Variants in MAP4 observed in about 807,000 individuals in gnomAD.
MAP4 encodes microtubule associated protein 4.
A neutral mutation model predicts 170.2 loss-of-function variants in MAP4; 76 were observed. That is an observed-to-expected ratio of 0.45 (90% CI 0.37 to 0.54). The LOEUF is 0.54. Ranked by LOEUF, MAP4 falls within the 20% of genes least tolerant of loss-of-function variation. MAP4 has a pLI of 0.00. For synonymous variants in MAP4, 909 were observed against 994.5 expected, an observed-to-expected ratio of 0.91 and a Z score of 1.62; for missense variants, 2,506 against 2,748.0, an observed-to-expected ratio of 0.91 and a Z score of 1.97.
At chr3:47,991,563 G>A (rs921784234) in intron 2 of MAP4, among the ~76,000 whole-genome samples, 1 of 152,204 alleles carries the variant, frequency 6.6e-6, no homozygotes, top group African/African-American at 2.4e-5. Flanking sequence ...TCAGGAGCCT[G>A]AGGCAGGAGG....
intron 2 of MAP4, among the ~76,000 whole-genome samples, chr3:47,997,326 TAA>T: frequency 2.9e-4 from 13 of 44,980 alleles, no homozygotes; most frequent in Non-Finnish European, 4.3e-4. Context: ...TTTAAACTGC[TAA>T]AAAAAAAAAA....
intron 17 of MAP4, among the ~76,000 whole-genome samples, chr3:47,863,465 T>C (rs1048184123): frequency 1.3e-5 from 2 of 151,756 alleles, no homozygotes; most frequent in Non-Finnish European, 2.9e-5. Context: ...GGCGCCTCCT[T>C]CATGGGCTGG....
chr3:47,944,164 G>C (rs1971869), intron 3 of MAP4, among the ~76,000 whole-genome samples: 2 of 151,950 alleles, frequency 1.3e-5, no homozygotes, highest in Non-Finnish European at 2.9e-5. Context: ...ACAAAAATTA[G>C]CTGGGTGTGG....
At chr3:48,067,975 T>A (rs1370994966) in intron 1 of MAP4, among the ~76,000 whole-genome samples, 1 of 151,904 alleles carries the variant, frequency 6.6e-6, no homozygotes, top group Admixed American at 6.6e-5. Context: ...TTTTAAATAA[T>A]ATTTAAGGAC....
intron 3 of MAP4, among the ~76,000 whole-genome samples, chr3:47,939,601 A>C (rs2100055023): frequency 6.6e-6 from 1 of 152,148 alleles, no homozygotes; most frequent in African/African-American, 2.4e-5. Context: ...AAAAAGCATA[A>C]GGAATTCCAA....
At chr3:48,014,562 G>A (rs1224568341) in intron 1 of MAP4, among the ~76,000 whole-genome samples, 1 of 152,130 alleles carries the variant, frequency 6.6e-6, no homozygotes, top group Admixed American at 6.5e-5. Context: ...AGGAGGCTGA[G>A]GTGGGAGGAC....
At chr3:47,966,530 A>G (rs2100075153) in intron 3 of MAP4, among the ~76,000 whole-genome samples, 2 of 151,766 alleles carry the variant, frequency 1.3e-5, no homozygotes, top group Non-Finnish European at 2.9e-5. Flanking sequence ...TACAGGTGTG[A>G]GCCACCGCAC....
chr3:47,894,900 A>G lies in MAP4; in HGVS notation c.5434+8050T>C, dbSNP rs535859952. ...AATTTAGGTGGGCATGGTGATCACA[A>G]TTGTGGTCCCAGCTACTCAGAAGGC... On this transcript the variant is annotated intron_variant, in intron 10 of 20. Transcript: ENST00000683076. 2.0e-5 allele frequency among the ~76,000 whole-genome samples: 3 copies of G among 151,190 alleles called. No individual in the cohort carries two copies. The East Asian group carries it at 5.9e-4, about 30-fold the overall frequency.
At chr3:47,975,372 A>C in intron 3 of MAP4, 6 of 1,551,462 alleles carry the variant, frequency 3.9e-6, no homozygotes, top group South Asian at 1.2e-5. Context: ...AAAGCTCTGC[A>C]AAATGCTGAA....
intron 9 of MAP4, among the ~76,000 whole-genome samples, chr3:47,907,751 C>G (rs180882321): frequency 1.3e-5 from 2 of 152,138 alleles, no homozygotes; most frequent in South Asian, 2.1e-4. Context: ...GAAACCAAAA[C>G]GAAAGAACTG....
At chr3:47,933,298 C>T (rs929779199) in intron 3 of MAP4, among the ~76,000 whole-genome samples, 9 of 152,016 alleles carry the variant, frequency 5.9e-5, no homozygotes, top group African/African-American at 1.7e-4. Context: ...AATGTTCTAA[C>T]GATGGATTAC....
Position 48,050,697 on chromosome 3 carries a change from AGAGATC to A in MAP4, c.-20+38070_-20+38075del, listed in dbSNP as rs555147856. On this transcript the variant is annotated intron_variant, in intron 1 of 18. Transcript: ENST00000360240. The stretch of plus-strand genomic sequence containing the variant: ...GCTGAGGCAGGCGGATCACAGGTCA[AGAGATC>A]GAGACCATCCTGGCCAACATGGTGA... Among the ~76,000 whole-genome samples the A allele has an allele frequency of 2.4e-3, 368 of 151,910 alleles. 2 individuals are homozygous for A. Among genetic ancestry groups the A allele is most frequent in the African/African-American group, 8.0e-3 (333 of 41,466 alleles).
intron 3 of MAP4, among the ~76,000 whole-genome samples, chr3:47,950,342 G>A (rs1021121291): frequency 1.3e-5 from 2 of 152,146 alleles, no homozygotes; most frequent in African/African-American, 4.8e-5. Context: ...CTCAGAGGAC[G>A]GACTTAAAAA....
At chr3:47,917,380 G>A (rs1435487075) in intron 6 of MAP4, among the ~76,000 whole-genome samples, 1 of 152,164 alleles carries the variant, frequency 6.6e-6, no homozygotes, top group Non-Finnish European at 1.5e-5. Flanking sequence ...CTGAGGTCAG[G>A]AGTTCGAGAC....
At chr3:48,070,720 G>A (rs1163546696) in intron 1 of MAP4, among the ~76,000 whole-genome samples, 2 of 151,784 alleles carry the variant, frequency 1.3e-5, no homozygotes, top group Admixed American at 6.6e-5. Context: ...GGAACTGTGG[G>A]CCAGGTGTGG....
rs569007771 is a variant in MAP4 at position 48,058,656 on chromosome 3, G to GA, written c.-20+30116dup. On this transcript the variant is annotated intron_variant, in intron 1 of 18. Coordinates refer to the MAP4 transcript ENST00000360240. ...TGACCCAAGTAATTCATTAATTAAA[G>GA]AAAAAAATGTATACAGGAATCTTTA... Among the ~76,000 whole-genome samples, 9 of 151,852 alleles carry GA rather than the reference G, an allele frequency of 5.9e-5. No homozygotes were observed. In the East Asian group the frequency reaches 1.7e-3, roughly 29 times the overall value.
At chr3:47,915,502 T>C (rs2100038264) in intron 7 of MAP4, among the ~76,000 whole-genome samples, 1 of 151,940 alleles carries the variant, frequency 6.6e-6, no homozygotes, top group Non-Finnish European at 1.5e-5. Flanking sequence ...TAAATTGGTA[T>C]GAGGGGCAAA....
Position 48,026,322 on chromosome 3 carries a change from G to A in MAP4, c.-19-27443C>T, listed in dbSNP as rs181215039. ...TCCCACAAGAGACTACATCATAAAC[G>A]CTCATATTTATTACATCCCACTCAA... On this transcript the variant is annotated intron_variant, in intron 1 of 18. Coordinates refer to the MAP4 transcript ENST00000360240. Among the ~76,000 whole-genome samples the A allele has an allele frequency of 3.9e-5, 6 of 152,194 alleles. No homozygotes were observed. The East Asian group carries it at 1.2e-3, about 29-fold the overall frequency.
chr3:48,082,797 CAAAAA>C (rs1294638726), intron 1 of MAP4, among the ~76,000 whole-genome samples: 3 of 49,010 alleles, frequency 6.1e-5, no homozygotes, highest in Non-Finnish European at 1.3e-4. Context: ...GACTTTGTCT[CAAAAA>C]AAAAAAAAAA....
Sources: gnomAD v4.1 joint callset for allele counts (sites outside exome capture counted in the v4.1 genomes callset) on GRCh38, gnomAD v4.1.1 for gene constraint, MANE v1.5 for transcripts, NCBI Gene and HGNC (gene_info 2026-07-23, HGNC 2026-07-21) for gene names.